AGGF1: variants seen among roughly 807,000 people sequenced by gnomAD.
AGGF1 encodes the protein angiogenic factor with G patch and FHA domains 1.
AGGF1 carries 56 observed loss-of-function variants against 86.5 expected under a neutral mutation model. The observed-to-expected ratio is 0.65, with a 90% confidence interval of 0.52 to 0.81. The LOEUF is 0.81. Among genes scored for constraint, AGGF1 ranks in the 30% least tolerant of loss-of-function variants. The pLI, the probability that AGGF1 is intolerant of heterozygous loss-of-function variation, is 0.00. For synonymous variants in AGGF1, 313 were observed against 297.1 expected, an observed-to-expected ratio of 1.05 and a Z score of -0.55; for missense variants, 816 against 850.9, an observed-to-expected ratio of 0.96 and a Z score of 0.51.
intron 8 of AGGF1, among the ~76,000 whole-genome samples, chr5:77,051,315 C>T (rs1747369069): frequency 6.6e-6 from 1 of 151,880 alleles, no homozygotes; most frequent in Non-Finnish European, 1.5e-5. Context: ...TGCCTGTAGT[C>T]CCAGCTACTC....
At chr5:77,047,154 C>T (rs750873831) in intron 6 of AGGF1, among the ~76,000 whole-genome samples, 1 of 152,030 alleles carries the variant, frequency 6.6e-6, no homozygotes, top group Non-Finnish European at 1.5e-5. Context: ...CTTCTGTATC[C>T]ATGGGTTCTA....
chr5:77,061,109 A>G (rs528128034), intron 12 of AGGF1, among the ~76,000 whole-genome samples: 22 of 152,314 alleles, frequency 1.4e-4, no homozygotes, highest in African/African-American at 5.1e-4. Context: ...ACAAATTATA[A>G]GTATATAGCT....
At chr5:77,047,359 TAA>T (rs80059109) in intron 6 of AGGF1, among the ~76,000 whole-genome samples, 18,652 of 152,142 alleles carry the variant, frequency 0.12, 1,219 homozygotes, top group East Asian at 0.28. Context: ...AGGATGCACA[TAA>T]GTTATATGCA....
rs769516475 is a variant in AGGF1, at chr5:77,048,938, A to T, written c.1316A>T (p.Glu439Val). Reference protein sequence around the residue: ...TAVNPATIGREKDMEHTLRIP... With the variant: ...TAVNPATIGRVKDMEHTLRIP... ...AGACACTTTACTTAACTCTGCAGAG[A>T]AAAGGATATGGAACATACTCTCCGA... Residue 439 changes from glutamate (E) to valine (V), a missense_variant and splice_region_variant, in exon 8 of 14, where the codon GAA becomes GTA. By Grantham distance (121) the Glu-to-Val change is moderately radical. Around this residue, in one of 3 missense-constraint regions of AGGF1, gnomAD observed 565 missense variants for 585.8 expected, o/e 0.96. Coordinates refer to ENST00000312916, the MANE Select transcript of AGGF1 (RefSeq NM_018046.5). The T allele has an allele frequency of 6.2e-7, 1 of 1,613,588 alleles. No individual in the cohort carries two copies. The highest frequency in any genetic ancestry group is 1.1e-5 in the South Asian group (1 of 91,078).
At chr5:77,036,253 T>G (rs1746965460) in intron 3 of AGGF1, among the ~76,000 whole-genome samples, 1 of 152,232 alleles carries the variant, frequency 6.6e-6, no homozygotes, top group South Asian at 2.1e-4. Context: ...AGAACCTAGA[T>G]CTTTGTCTTA....
intron 6 of AGGF1, among the ~76,000 whole-genome samples, chr5:77,047,143 CCTT>C (rs1405171126): frequency 1.3e-5 from 2 of 152,076 alleles, no homozygotes; most frequent in African/African-American, 4.8e-5. Context: ...TTACAGTTGG[CCTT>C]CTGTATCCAT....
chr5:77,052,711 T>C lies in AGGF1; in HGVS notation c.1371T>C (p.His457=), dbSNP rs1747395361. 1 of 1,611,640 alleles carries C rather than the reference T, an allele frequency of 6.2e-7. No homozygotes were observed. Among genetic ancestry groups the C allele is most frequent in the South Asian group, 1.1e-5 (1 of 90,858 alleles). ...RIPEVGVSKF[H]AEIYFDHDLQ... Reference sequence around the variant, plus strand: ...GCTTGATTTCACTTTCTAAGTTTCATGCAGAAATTTATTTTGACCATGACT... The same window carrying C: ...GCTTGATTTCACTTTCTAAGTTTCACGCAGAAATTTATTTTGACCATGACT... Residue 457 remains histidine, a synonymous_variant, in exon 9 of 14, where the codon CAT becomes CAC. Transcript: ENST00000312916.
chr5:77,036,028 GACA>G (rs1173081311), intron 3 of AGGF1: 4 of 365,592 alleles, frequency 1.1e-5, no homozygotes, highest in African/African-American at 6.3e-5. Flanking sequence ...AAGAACTGTG[GACA>G]ACAATACCAC....
chr5:77,030,918 A>T lies in AGGF1; in HGVS notation c.152A>T (p.His51Leu). ...GTGCGGGAGATCGAGAAGCTGCTGC[A>T]TCACACAGAACGGCTGTACCAGAAC... Reference protein sequence around the residue: ...RQVREIEKLLHHTERLYQNAE... With the variant: ...RQVREIEKLLLHTERLYQNAE... The change falls in exon 1 of 14, where the codon CAT (histidine) becomes CTT (leucine). Residue 51 changes from histidine (H) to leucine (L), a missense_variant. Around this residue, in one of 3 missense-constraint regions of AGGF1, gnomAD observed 240 missense variants for 234.4 expected, o/e 1.02. Transcript: ENST00000312916. The T allele has an allele frequency of 6.2e-7, 1 of 1,613,380 alleles. No individual in the cohort carries two copies. Among genetic ancestry groups the T allele is most frequent in the Non-Finnish European group, 8.5e-7 (1 of 1,179,992 alleles).
In AGGF1 at chr5:77,064,964, T is replaced by C. The variant is rs1411311325; in HGVS notation, c.*1712T>C. The C allele has an allele frequency of 1.3e-5, 2 of 152,190 alleles. No homozygotes were observed. Among genetic ancestry groups the C allele is most frequent in the Non-Finnish European group, 2.9e-5 (2 of 68,040 alleles). 9.4% of individuals were successfully genotyped at this position (152,190 alleles called of 1,614,324 possible). A position where few individuals can be genotyped will look rare whatever the true frequency, so the allele number is the denominator to read the frequency against. On this transcript the variant is annotated 3_prime_UTR_variant, in exon 14 of 14. Transcript: ENST00000312916. ...GTTAAAAATGGAAATATATGTGATA[T>C]TTGCATTATTAAACCCCTTTGCAGA...
intron 3 of AGGF1, 63 bp downstream of exon 3, chr5:77,035,806 A>G: frequency 7.0e-7 from 1 of 1,422,184 alleles, no homozygotes; most frequent in East Asian, 2.3e-5. Flanking sequence ...TGTTGTTATT[A>G]TGTGGAAAGA....
chr5:77,048,810 C>T, intron 7 of AGGF1, 126 bp from the exon 8 acceptor site: 1 of 906,904 alleles, frequency 1.1e-6, no homozygotes, highest in East Asian at 2.4e-5. Flanking sequence ...CTGGATAATC[C>T]ATAACCAGGA....
intron 4 of AGGF1, among the ~76,000 whole-genome samples, chr5:77,038,294 A>G (rs1364599992): frequency 3.9e-5 from 6 of 152,210 alleles, no homozygotes; most frequent in Admixed American, 1.3e-4. Flanking sequence ...TAGGAAAACA[A>G]TAGTTTCAAG....
Position 77,046,357 on chromosome 5 carries a change from C to T in AGGF1, c.881C>T (p.Ser294Leu). ...SATNEEKDLN[S>L]EDQKAFSVEH... ...CCCACCCTTCTCCAGGATTTGAACTCAGAGGATCAAAAAGCCTTCAGTGTT... is the reference window on the plus strand; with the variant it reads ...CCCACCCTTCTCCAGGATTTGAACTTAGAGGATCAAAAAGCCTTCAGTGTT... The change falls in exon 6 of 14, where the codon TCA becomes TTA. Residue 294 changes from serine (S) to leucine (L), a missense_variant. Physicochemically the swap from Ser to Leu is moderately radical, Grantham distance 145. Around this residue, in one of 3 missense-constraint regions of AGGF1, gnomAD observed 565 missense variants for 585.8 expected, o/e 0.96. Transcript: ENST00000312916. 4 of 1,613,474 alleles carry T rather than the reference C, an allele frequency of 2.5e-6. No homozygotes were observed. The highest frequency in any genetic ancestry group is 3.4e-6 in the Non-Finnish European group (4 of 1,179,800).
At position 77,054,141 on chromosome 5, in the gene AGGF1, CA is replaced by C; in HGVS notation, c.1633+12del. On this transcript the variant is annotated intron_variant, in intron 10 of 13. Coordinates refer to ENST00000312916, the MANE Select transcript of AGGF1 (RefSeq NM_018046.5). Reference sequence around the variant, plus strand: ...AAGATGAATCTTTTGGTATGTGAAACAGATTAAATGTGGCTGTGATAACATT... The same window carrying C: ...AAGATGAATCTTTTGGTATGTGAAACGATTAAATGTGGCTGTGATAACATT... 1.2e-6 allele frequency: 2 copies of C among 1,614,050 alleles called. No individual in the cohort carries two copies. Among genetic ancestry groups the C allele is most frequent in the Non-Finnish European group, 1.7e-6 (2 of 1,179,964 alleles).
chr5:77,045,698 A>G (rs1302560479), intron 5 of AGGF1, among the ~76,000 whole-genome samples: 1 of 152,206 alleles, frequency 6.6e-6, no homozygotes, highest in Non-Finnish European at 1.5e-5. Context: ...TCTGTATTTT[A>G]TTTGTGTTGA....
chr5:77,034,377 G>T, intron 1 of AGGF1, 41 bp from the exon 2 acceptor site: 3 of 1,224,170 alleles, frequency 2.5e-6, no homozygotes, highest in Non-Finnish European at 3.6e-6. Flanking sequence ...TTATTAGATT[G>T]TTACATGATT....
chr5:77,063,334 A>G lies in AGGF1; in HGVS notation c.*82A>G, dbSNP rs1747602111. The G allele has an allele frequency of 3.7e-6, 5 of 1,335,378 alleles. No homozygotes were observed. Among genetic ancestry groups the G allele is most frequent in the Non-Finnish European group, 5.2e-6 (5 of 955,620 alleles). The allele number at this position is 1,335,378 out of a possible 1,614,324, so 82.7% of individuals were successfully genotyped here. ...ATTTTTTCTCCCCAAAAGAATCAGC[A>G]GCACAGGGGAACTATGTCACAGTTT... On this transcript the variant is annotated 3_prime_UTR_variant, in exon 14 of 14. Transcript: ENST00000312916.
chr5:77,047,378 A>G (rs529380732), intron 6 of AGGF1, among the ~76,000 whole-genome samples: 4 of 152,338 alleles, frequency 2.6e-5, no homozygotes, highest in Middle Eastern at 3.4e-3. Flanking sequence ...TGCAAATACG[A>G]TACAATTTAT....
Sources: allele counts gnomAD v4.1 joint callset (sites outside exome capture counted in the v4.1 genomes callset), GRCh38; gene constraint gnomAD v4.1.1; regional missense constraint gnomAD v4.1.1; transcripts MANE v1.5; gene names NCBI Gene and HGNC (gene_info 2026-07-23, HGNC 2026-07-21).